The following PCM1 variants were observed in gnomAD, a reference collection of about 807,000 sequenced individuals.
The protein encoded by PCM1 is pericentriolar material 1.
PCM1 carries 157 observed loss-of-function variants against 241.9 expected under a neutral mutation model. The ratio of observed to expected loss-of-function variants is 0.65; its 90% CI spans 0.57 to 0.74. PCM1 has a LOEUF of 0.74. Ranked by LOEUF, PCM1 falls within the 30% of genes least tolerant of loss-of-function variation. The probability of loss-of-function intolerance (pLI) is 0.00; values close to 1 mark genes in which losing one functional copy is unlikely to be tolerated. For missense variants in PCM1, 3,478 were observed against 2,360.1 expected (o/e 1.47, Z -9.81); for synonymous variants, 1,085 against 784.9 (o/e 1.38, Z -6.39).
At chr8:18,010,692 T>G in intron 32 of PCM1, 24 bp downstream of exon 32, 2 of 1,557,414 alleles carry the variant, frequency 1.3e-6, no homozygotes, top group Non-Finnish European at 8.7e-7. Flanking sequence ...AATTTTTGCC[T>G]AAAAATATGG....
chr8:17,996,599 T>C (rs1212267565), intron 29 of PCM1, among the ~76,000 whole-genome samples: 1 of 152,202 alleles, frequency 6.6e-6, no homozygotes, highest in Non-Finnish European at 1.5e-5. Flanking sequence ...ATTTCTGCTT[T>C]GATCTTTATT....
chr8:18,008,458 ACAGT>A (rs780021023), intron 30 of PCM1, among the ~76,000 whole-genome samples: 2 of 152,142 alleles, frequency 1.3e-5, no homozygotes, highest in Non-Finnish European at 2.9e-5. Flanking sequence ...AATAAAGGGC[ACAGT>A]CAGTCAATGT....
chr8:18,020,780 A>G (rs1421270522), intron 36 of PCM1, among the ~76,000 whole-genome samples: 2 of 152,124 alleles, frequency 1.3e-5, no homozygotes, highest in African/African-American at 2.4e-5. Flanking sequence ...AATGCCAATC[A>G]TTTTCCATTT....
chr8:17,928,348 A>G (rs923491270), intron 2 of PCM1, among the ~76,000 whole-genome samples: 1 of 152,136 alleles, frequency 6.6e-6, no homozygotes, highest in South Asian at 2.1e-4. Flanking sequence ...GCTCTCTCAG[A>G]CACTGCTGTC....
intron 29 of PCM1, among the ~76,000 whole-genome samples, chr8:18,001,463 G>A (rs976782167): frequency 1.3e-5 from 2 of 152,130 alleles, no homozygotes; most frequent in Admixed American, 6.5e-5. Flanking sequence ...AACATTGATA[G>A]TATCAGACTG....
intron 32 of PCM1, 61 bp from the exon 33 acceptor site, chr8:18,011,176 A>G: frequency 8.5e-7 from 1 of 1,178,328 alleles, no homozygotes; most frequent in Non-Finnish European, 1.2e-6. Context: ...CGATAGACTT[A>G]CTATATACCT....
chr8:17,974,834 G>C (rs1438612208), intron 23 of PCM1, among the ~76,000 whole-genome samples: 6 of 150,240 alleles, frequency 4.0e-5, no homozygotes, highest in African/African-American at 1.5e-4. Flanking sequence ...AAGACCATCT[G>C]TCAGTGAGTG....
At chr8:17,923,415 C>A (rs1427531905) in intron 1 of PCM1, among the ~76,000 whole-genome samples, 1 of 152,164 alleles carries the variant, frequency 6.6e-6, no homozygotes, top group African/African-American at 2.4e-5. Context: ...CCTCGCGACG[C>A]GTTGGTGATT....
At chr8:17,972,713 TG>T in intron 23 of PCM1, 26 bp downstream of exon 23, 1 of 1,392,844 alleles carries the variant, frequency 7.2e-7, no homozygotes, top group East Asian at 2.5e-5. Flanking sequence ...TGTTGAATGT[TG>T]ATCAGTGTAA....
At chr8:18,023,360 T>C (rs17514812) in intron 36 of PCM1, among the ~76,000 whole-genome samples, 2 of 152,062 alleles carry the variant, frequency 1.3e-5, no homozygotes, top group Admixed American at 1.3e-4. Context: ...TTTTGTTCTT[T>C]GGTAAGATCG....
At chr8:18,026,744 A>G (rs2094250809) in intron 38 of PCM1, among the ~76,000 whole-genome samples, 1 of 151,596 alleles carries the variant, frequency 6.6e-6, no homozygotes. Flanking sequence ...TCTATTTTTT[A>G]CTTTCAATTT....
chr8:17,988,810 A>G (rs2083459458), intron 26 of PCM1, among the ~76,000 whole-genome samples: 1 of 151,996 alleles, frequency 6.6e-6, no homozygotes, highest in Non-Finnish European at 1.5e-5. Flanking sequence ...GATTGACAAT[A>G]AGAAGTGTTG....
chr8:17,987,895 A>G (rs1447763603), intron 26 of PCM1, among the ~76,000 whole-genome samples: 2 of 151,852 alleles, frequency 1.3e-5, no homozygotes, highest in Non-Finnish European at 3.0e-5. Flanking sequence ...AAATAGCCAT[A>G]TGGTGTTTTT....
chr8:17,925,131 A>T (rs1313535934), intron 2 of PCM1: 1 of 152,228 alleles, frequency 6.6e-6, no homozygotes, highest in African/African-American at 2.4e-5. Flanking sequence ...GTTCTCTCCT[A>T]CAACATTCCT....
chr8:17,950,570 T>C (rs1318808689), intron 7 of PCM1, 45 bp from the exon 8 acceptor site: 1 of 905,582 alleles, frequency 1.1e-6, no homozygotes, highest in African/African-American at 1.7e-5. Flanking sequence ...TTAAAAAAGG[T>C]GTTTGATTAT....
chr8:17,949,059 C>T (rs1415370397), intron 7 of PCM1, among the ~76,000 whole-genome samples: 1 of 152,064 alleles, frequency 6.6e-6, no homozygotes, highest in Admixed American at 6.6e-5. Flanking sequence ...TGAATATGAA[C>T]TTTTGAAAGT....
At chr8:17,941,030 T>C (rs995099518) in intron 6 of PCM1, among the ~76,000 whole-genome samples, 8 of 152,326 alleles carry the variant, frequency 5.3e-5, no homozygotes, top group Admixed American at 4.6e-4. Context: ...CCTGCCTCCT[T>C]TCTCTTCCCG....
intron 21 of PCM1, among the ~76,000 whole-genome samples, chr8:17,969,080 G>T (rs924746746): frequency 6.7e-6 from 1 of 149,780 alleles, no homozygotes; most frequent in Non-Finnish European, 1.5e-5. Flanking sequence ...AACAGTATTT[G>T]GTAAGTATTT....
chr8:17,962,924 G>A (rs208058), intron 16 of PCM1, 177 bp from the exon 17 acceptor site: 376,647 of 495,460 alleles, frequency 0.76, 145,430 homozygotes, highest in African/African-American at 0.8. Flanking sequence ...AAAATTGGCT[G>A]ATTTTTTTGT....
Sources: allele counts gnomAD v4.1 joint callset (sites outside exome capture counted in the v4.1 genomes callset), GRCh38; gene constraint gnomAD v4.1.1; transcripts MANE v1.5; gene names NCBI Gene and HGNC (gene_info 2026-07-23, HGNC 2026-07-21).